Variants in CLIC5 observed in about 807,000 individuals in gnomAD.
CLIC5 encodes the protein chloride intracellular channel protein 5.
A neutral mutation model predicts 24.7 loss-of-function variants in CLIC5; 20 were observed. The ratio of observed to expected loss-of-function variants is 0.81; its 90% CI spans 0.57 to 1.18. CLIC5 has a LOEUF of 1.18. Among genes scored for constraint, CLIC5 ranks in the 50% most tolerant of loss-of-function variants. The probability of loss-of-function intolerance (pLI) is 0.00; values close to 1 mark genes in which losing one functional copy is unlikely to be tolerated. For missense variants in CLIC5, 341 were observed against 326.1 expected (o/e 1.05, Z -0.35); for synonymous variants, 159 against 135.6 (o/e 1.17, Z -1.20).
At chr6:46,078,224 G>T (rs939537127) in intron 1 of CLIC5, among the ~76,000 whole-genome samples, 1 of 152,110 alleles carries the variant, frequency 6.6e-6, no homozygotes, top group Non-Finnish European at 1.5e-5. Flanking sequence ...GCCAGACCAG[G>T]TGGCACATGC....
Position 45,982,839 on chromosome 6 carries a change from C to T in CLIC5, c.64-27595G>A, listed in dbSNP as rs114772655. ...AGGGACATTTAAGAAGTCAATGATT[C>T]GCTTTTAGTACTGACTGACACTTTT... On this transcript the variant is annotated intron_variant, in intron 1 of 5. Transcript: ENST00000339561. Among the ~76,000 whole-genome samples the T allele has an allele frequency of 2.2e-4, 33 of 152,222 alleles. No homozygotes were observed. In the East Asian group the frequency reaches 5.0e-3, roughly 23 times the overall value.
the CLIC5 span, among the ~76,000 whole-genome samples, chr6:46,118,955 G>C: frequency 6.6e-6 from 1 of 152,160 alleles, no homozygotes; most frequent in South Asian, 2.1e-4. Flanking sequence ...TCCTTATCAG[G>C]GAAAAAGGAG....
At chr6:45,928,987 C>T (rs980505832) in intron 4 of CLIC5, among the ~76,000 whole-genome samples, 1 of 152,188 alleles carries the variant, frequency 6.6e-6, no homozygotes, top group Non-Finnish European at 1.5e-5. Context: ...CAGGAGAACT[C>T]ATTCTGGTCA....
At chr6:45,974,335 C>A (rs764488879) in intron 1 of CLIC5, among the ~76,000 whole-genome samples, 22 of 151,152 alleles carry the variant, frequency 1.5e-4, no homozygotes, top group Admixed American at 2.6e-4. Context: ...AGGGCTCTGA[C>A]CAGTGGAAGT....
chr6:46,055,986 A>C (rs576707082), intron 1 of CLIC5, among the ~76,000 whole-genome samples: 1 of 152,312 alleles, frequency 6.6e-6, no homozygotes, highest in South Asian at 2.1e-4. Flanking sequence ...TGTGCAAAAC[A>C]AAAGTTCTCT....
chr6:45,994,675 G>A (rs1168822635), intron 1 of CLIC5, among the ~76,000 whole-genome samples: 1 of 152,176 alleles, frequency 6.6e-6, no homozygotes, highest in Non-Finnish European at 1.5e-5. Flanking sequence ...TCTCATGAGT[G>A]GTGAAAGAAG....
At chr6:46,124,235 A>T in the CLIC5 span, among the ~76,000 whole-genome samples, 12 of 152,344 alleles carry the variant, frequency 7.9e-5, no homozygotes, top group East Asian at 2.1e-3. Flanking sequence ...CAAAACAGAG[A>T]TATAGACCAA....
the CLIC5 span, among the ~76,000 whole-genome samples, chr6:46,127,386 A>G: frequency 6.6e-6 from 1 of 152,194 alleles, no homozygotes; most frequent in Non-Finnish European, 1.5e-5. Context: ...TTTGTAAATA[A>G]TAAGTTTAGA....
intron 1 of CLIC5, among the ~76,000 whole-genome samples, chr6:45,965,257 G>A (rs1248742172): frequency 1.3e-5 from 2 of 152,142 alleles, no homozygotes; most frequent in African/African-American, 2.4e-5. Flanking sequence ...TTAACTATTG[G>A]TACAATGATA....
At chr6:46,095,250 C>A in the CLIC5 span, among the ~76,000 whole-genome samples, 2 of 152,212 alleles carry the variant, frequency 1.3e-5, no homozygotes, top group Non-Finnish European at 2.9e-5. Flanking sequence ...CAAGGCCTTT[C>A]CTCCATTGCC....
At chr6:46,000,185 T>C (rs946773425) in intron 1 of CLIC5, among the ~76,000 whole-genome samples, 11 of 152,228 alleles carry the variant, frequency 7.2e-5, no homozygotes, top group African/African-American at 2.7e-4. Flanking sequence ...AGTAGTAGGC[T>C]ATTAGTAGTT....
chr6:46,079,873 G>C, exon 1 of CLIC5: 1 of 1,552,142 alleles, frequency 6.4e-7, no homozygotes, highest in East Asian at 2.4e-5. Context: ...TTCTCCTGGA[G>C]TTCTGCTGCG....
the CLIC5 span, among the ~76,000 whole-genome samples, chr6:46,093,548 G>T: frequency 4.0e-4 from 61 of 152,194 alleles, 1 homozygote; most frequent in East Asian, 0.012. Flanking sequence ...CAGAGGAAAA[G>T]CAAAATATGA....
At chr6:46,027,352 C>T (rs1026455609) in intron 1 of CLIC5, among the ~76,000 whole-genome samples, 1 of 152,166 alleles carries the variant, frequency 6.6e-6, no homozygotes, top group Non-Finnish European at 1.5e-5. Flanking sequence ...ATGGGAACAG[C>T]ATGTATGATG....
chr6:45,992,969 A>T (rs577076109), intron 1 of CLIC5, among the ~76,000 whole-genome samples: 2 of 152,322 alleles, frequency 1.3e-5, no homozygotes, highest in East Asian at 3.9e-4. Flanking sequence ...ACAGACACAC[A>T]AACACAAGCT....
chr6:46,111,181 CTT>C, the CLIC5 span, among the ~76,000 whole-genome samples: 7 of 143,110 alleles, frequency 4.9e-5, no homozygotes, highest in Non-Finnish European at 6.1e-5. Flanking sequence ...CAAACCTGTC[CTT>C]TTTTTTTTTT....
At chr6:46,057,974 A>G (rs982595005) in intron 1 of CLIC5, among the ~76,000 whole-genome samples, 3 of 151,778 alleles carry the variant, frequency 2.0e-5, no homozygotes, top group African/African-American at 7.3e-5. Context: ...TTACAACCCA[A>G]CTCACACATT....
intron 1 of CLIC5, among the ~76,000 whole-genome samples, chr6:45,990,396 T>C (rs1765893096): frequency 6.6e-6 from 1 of 152,196 alleles, no homozygotes. Flanking sequence ...TCCTCCATCT[T>C]GACTTTTACT....
chr6:45,943,543 G>A lies in CLIC5; in HGVS notation c.300-1890C>T, dbSNP rs1385695958. Among the ~76,000 whole-genome samples the A allele has an allele frequency of 4.6e-5, 7 of 152,328 alleles. No individual in the cohort carries two copies. In the East Asian group the frequency reaches 7.7e-4, roughly 17 times the overall value. On this transcript the variant is annotated intron_variant, in intron 3 of 5. Coordinates refer to ENST00000339561, the MANE Select transcript of CLIC5 (RefSeq NM_016929.5). ...TAGAATCCAGCATGCTATTAGAATC[G>A]ATAGACTTAAATTGCTATTAACAAA...
Sources: allele counts gnomAD v4.1 joint callset (sites outside exome capture counted in the v4.1 genomes callset), GRCh38; gene constraint gnomAD v4.1.1; transcripts MANE v1.5; gene names NCBI Gene and HGNC (gene_info 2026-07-23, HGNC 2026-07-21).